ATP2C2: variants seen among roughly 807,000 people sequenced by gnomAD.
ATP2C2 encodes the protein ATPase secretory pathway Ca2+ transporting 2.
Under a neutral mutation model 110.8 loss-of-function variants are expected in ATP2C2, and 171 were observed. That is an observed-to-expected ratio of 1.54 (90% confidence interval 1.36 to 1.75). ATP2C2 has a LOEUF of 1.75. ATP2C2 is among the 40% of genes most tolerant of loss of function. ATP2C2 has a pLI of 0.00. For missense variants in ATP2C2, 1,963 were observed against 1,235.0 expected (o/e 1.59, Z -8.84); for synonymous variants, 804 against 508.4 (o/e 1.58, Z -7.82).
intron 11 of ATP2C2, among the ~76,000 whole-genome samples, chr16:84,434,754 G>A (rs1013560269): frequency 2.0e-5 from 3 of 151,948 alleles, no homozygotes; most frequent in Admixed American, 6.6e-5. Flanking sequence ...CTGACCTCAA[G>A]TGTTCCATCC....
At chr16:84,410,814 G>T in intron 6 of ATP2C2, 49 bp downstream of exon 6, 3 of 1,557,536 alleles carry the variant, frequency 1.9e-6, no homozygotes, top group Admixed American at 1.7e-5. Flanking sequence ...AGGAGCCAGG[G>T]AGCTGGAGAG....
intron 15 of ATP2C2, among the ~76,000 whole-genome samples, chr16:84,445,277 C>G (rs926094524): frequency 9.9e-5 from 15 of 151,094 alleles, no homozygotes; most frequent in African/African-American, 3.4e-4. Flanking sequence ...GGCTTGATCT[C>G]CGCTCACTGC....
At chr16:84,432,476 C>T (rs1337171315) in intron 11 of ATP2C2, among the ~76,000 whole-genome samples, 2 of 151,838 alleles carry the variant, frequency 1.3e-5, no homozygotes, top group African/African-American at 2.4e-5. Context: ...TCCCTGTGTC[C>T]ATGTATTCTC....
At chr16:84,430,670 A>G (rs1156881543) in intron 11 of ATP2C2, among the ~76,000 whole-genome samples, 3 of 149,872 alleles carry the variant, frequency 2.0e-5, no homozygotes, top group Non-Finnish European at 3.0e-5. Flanking sequence ...CAGTTCTAGA[A>G]TCTTCAAGGA....
intron 1 of ATP2C2, among the ~76,000 whole-genome samples, chr16:84,382,772 T>C (rs1910658963): frequency 6.6e-6 from 1 of 152,030 alleles, no homozygotes; most frequent in African/African-American, 2.4e-5. Context: ...GGCGGGTGCC[T>C]GTAATCCCAG....
rs191330088 is a variant in ATP2C2, at chr16:84,464,111, T to C, written c.*379T>C. 8.4e-4 allele frequency: 141 copies of C among 167,046 alleles called. No homozygotes were observed. The highest frequency in any genetic ancestry group is 3.2e-3 in the African/African-American group (135 of 42,086). 10.3% of individuals were successfully genotyped at this position (167,046 alleles called of 1,614,324 possible). A position where few individuals can be genotyped will look rare whatever the true frequency, so the allele number is the denominator to read the frequency against. Reference sequence around the variant, plus strand: ...GGGTAGGATGGTCACACTCTGCCCATTGCCCTCCTGGAGGCCCCATTTCCT... The same window carrying C: ...GGGTAGGATGGTCACACTCTGCCCACTGCCCTCCTGGAGGCCCCATTTCCT... On this transcript the variant is annotated 3_prime_UTR_variant, in exon 27 of 27. Coordinates refer to ENST00000262429, the MANE Select transcript of ATP2C2 (RefSeq NM_014861.4).
At chr16:84,393,516 G>T (rs923936563) in intron 1 of ATP2C2, among the ~76,000 whole-genome samples, 1 of 152,168 alleles carries the variant, frequency 6.6e-6, no homozygotes, top group East Asian at 1.9e-4. Context: ...GGCTGAAGTC[G>T]GTTGAGAAGT....
chr16:84,434,759 C>A (rs1908593629), intron 11 of ATP2C2, among the ~76,000 whole-genome samples: 2 of 152,136 alleles, frequency 1.3e-5, no homozygotes, highest in South Asian at 4.1e-4. Flanking sequence ...CTCAAGTGTT[C>A]CATCCGTTTC....
chr16:84,408,538 G>C (rs747248794), intron 4 of ATP2C2, 44 bp downstream of exon 4: 1 of 1,484,900 alleles, frequency 6.7e-7, no homozygotes, highest in South Asian at 1.1e-5. Context: ...GGCAGCCACA[G>C]GTCTGCTGAG....
At chr16:84,413,031 G>A (rs1432385663) in intron 6 of ATP2C2, among the ~76,000 whole-genome samples, 1 of 151,616 alleles carries the variant, frequency 6.6e-6, no homozygotes. Context: ...CCCAGAGATG[G>A]AGGTTGCAGT....
intron 1 of ATP2C2, among the ~76,000 whole-genome samples, chr16:84,384,797 C>A (rs979065248): frequency 1.3e-5 from 2 of 152,198 alleles, no homozygotes; most frequent in African/African-American, 4.8e-5. Context: ...TGCCTGTAAT[C>A]CCAGCACTTT....
chr16:84,391,237 A>G (rs1338394579), intron 1 of ATP2C2, among the ~76,000 whole-genome samples: 1 of 152,148 alleles, frequency 6.6e-6, no homozygotes, highest in Non-Finnish European at 1.5e-5. Context: ...CACTCTCATT[A>G]CAAAAGGAAC....
chr16:84,398,162 G>A (rs147865653), intron 1 of ATP2C2, among the ~76,000 whole-genome samples: 3,807 of 152,054 alleles, frequency 0.025, 211 homozygotes, highest in African/African-American at 0.087. Flanking sequence ...AGCACTTTGG[G>A]AGGCCGAGGC....
chr16:84,412,448 G>A (rs1906436769), intron 6 of ATP2C2, among the ~76,000 whole-genome samples: 1 of 146,890 alleles, frequency 6.8e-6, no homozygotes, highest in Non-Finnish European at 1.5e-5. Context: ...ATGCATGTGT[G>A]TGTCTGTGTC....
At position 84,425,104 on chromosome 16, in the gene ATP2C2, C is replaced by T. The variant is rs192605525; in HGVS notation, c.920-631C>T. Among the ~76,000 whole-genome samples the T allele has an allele frequency of 2.6e-5, 4 of 152,274 alleles. No homozygotes were observed. In the East Asian group the frequency reaches 7.7e-4, roughly 29 times the overall value. On this transcript the variant is annotated intron_variant, in intron 10 of 26. Coordinates refer to ENST00000262429, the MANE Select transcript of ATP2C2 (RefSeq NM_014861.4). ...TCAATACATACACACACACACCCCGCTACCATCCATCAGAAAACATCCCTG... is the reference window on the plus strand; with the variant it reads ...TCAATACATACACACACACACCCCGTTACCATCCATCAGAAAACATCCCTG...
chr16:84,449,505 G>A (rs1263881005), intron 17 of ATP2C2, among the ~76,000 whole-genome samples: 1 of 152,182 alleles, frequency 6.6e-6, no homozygotes, highest in East Asian at 1.9e-4. Context: ...CCTAAGGAAG[G>A]CAGGAGAGCA....
In ATP2C2 at chr16:84,368,695, A is replaced by G. The variant is rs1909772555; in HGVS notation, c.80A>G (p.Lys27Arg). ...GGCCGCCAGTACCAGGCGCTGGAGAAGGACGAAGAGGAAGCCTTGGTGAGT... is the reference window on the plus strand; with the variant it reads ...GGCCGCCAGTACCAGGCGCTGGAGAGGGACGAAGAGGAAGCCTTGGTGAGT... ...GGGRQYQALE[K>R]DEEEALIDEQ... Residue 27 changes from lysine to arginine, a missense_variant, in exon 1 of 27, where the codon AAG (lysine) becomes AGG (arginine). Transcript: ENST00000262429. 4 of 1,548,092 alleles carry G rather than the reference A, an allele frequency of 2.6e-6. No homozygotes were observed. Among genetic ancestry groups the G allele is most frequent in the Admixed American group, 2.0e-5 (1 of 50,754 alleles).
intron 1 of ATP2C2, among the ~76,000 whole-genome samples, chr16:84,372,623 A>C (rs1259785726): frequency 6.6e-6 from 1 of 151,666 alleles, no homozygotes; most frequent in Non-Finnish European, 1.5e-5. Context: ...TGGGGGTTTC[A>C]CCATGTTGGC....
At chr16:84,390,079 C>A (rs1904560681) in intron 1 of ATP2C2, among the ~76,000 whole-genome samples, 1 of 152,214 alleles carries the variant, frequency 6.6e-6, no homozygotes, top group South Asian at 2.1e-4. Flanking sequence ...ACCCTTAGCC[C>A]CCCACATTCC....
Sources: allele counts gnomAD v4.1 joint callset (sites outside exome capture counted in the v4.1 genomes callset), GRCh38; gene constraint gnomAD v4.1.1; transcripts MANE v1.5; gene names NCBI Gene and HGNC (gene_info 2026-07-23, HGNC 2026-07-21).